Variants in NEK1 observed in about 807,000 individuals in gnomAD.
NEK1 encodes serine/threonine-protein kinase Nek1.
Under a neutral mutation model 182.1 loss-of-function variants are expected in NEK1, and 137 were observed. That is an observed-to-expected ratio of 0.75 (90% confidence interval 0.65 to 0.87). NEK1 has a LOEUF of 0.87. Ranked by LOEUF, NEK1 falls within the 40% of genes least tolerant of loss-of-function variation. The probability of loss-of-function intolerance (pLI) is 0.00; values close to 1 mark genes in which losing one functional copy is unlikely to be tolerated. For synonymous variants in NEK1, 513 were observed against 492.2 expected (o/e 1.04, Z -0.56); for missense variants, 1,391 against 1,494.4 (o/e 0.93, Z 1.14).
intron 26 of NEK1, among the ~76,000 whole-genome samples, chr4:169,472,491 T>C (rs1243906084): frequency 1.3e-5 from 2 of 152,172 alleles, no homozygotes; most frequent in African/African-American, 4.8e-5. Context: ...CCCAATGAGA[T>C]GAACTGGGTA....
At chr4:169,505,465 A>C (rs939059671) in intron 23 of NEK1, among the ~76,000 whole-genome samples, 5 of 152,242 alleles carry the variant, frequency 3.3e-5, no homozygotes, top group Non-Finnish European at 5.9e-5. Context: ...TGTTGTAAGA[A>C]TACAGCATAT....
At chr4:169,608,716 A>C (rs111682513) in intron 2 of NEK1, among the ~76,000 whole-genome samples, 38 of 152,322 alleles carry the variant, frequency 2.5e-4, no homozygotes, top group African/African-American at 7.0e-4. Context: ...CTGAGAATGA[A>C]TACAAATTAT....
chr4:169,420,822 T>C (rs1190007141), intron 31 of NEK1, among the ~76,000 whole-genome samples: 1 of 152,072 alleles, frequency 6.6e-6, no homozygotes, highest in Non-Finnish European at 1.5e-5. Flanking sequence ...AGTGATCAAA[T>C]AGAAAACAAA....
intron 18 of NEK1, among the ~76,000 whole-genome samples, chr4:169,543,780 G>A (rs1759881368): frequency 6.6e-6 from 1 of 151,586 alleles, no homozygotes; most frequent in African/African-American, 2.4e-5. Context: ...TAATTTGGCT[G>A]TTTGTCTGTT....
At chr4:169,453,855 C>T (rs1742322729) in intron 27 of NEK1, among the ~76,000 whole-genome samples, 1 of 152,202 alleles carries the variant, frequency 6.6e-6, no homozygotes, top group Non-Finnish European at 1.5e-5. Context: ...CACTTCACAC[C>T]TCTATATTCC....
At chr4:169,523,499 A>G (rs1756421247) in intron 19 of NEK1, among the ~76,000 whole-genome samples, 1 of 152,218 alleles carries the variant, frequency 6.6e-6, no homozygotes, top group African/African-American at 2.4e-5. Context: ...AAAAATTGCC[A>G]TCCAATAACC....
chr4:169,576,882 T>C (rs1385714277), intron 12 of NEK1, 46 bp downstream of exon 12: 42 of 1,505,026 alleles, frequency 2.8e-5, no homozygotes, highest in Non-Finnish European at 3.6e-5. Context: ...TGAAATAAGG[T>C]TGAATTGAAT....
chr4:169,569,956 G>A lies in NEK1; in HGVS notation c.1020+6972C>T, dbSNP rs1440392025. Among the ~76,000 whole-genome samples, 10 of 140,302 alleles carry A rather than the reference G, an allele frequency of 7.1e-5. No homozygotes were observed. In the East Asian group the frequency reaches 1.2e-3, roughly 17 times the overall value. 92.0% of individuals were successfully genotyped at this position (140,302 alleles called of 152,430 possible). On this transcript the variant is annotated intron_variant, in intron 12 of 35. Coordinates refer to ENST00000507142, the MANE Select transcript of NEK1 (RefSeq NM_001199397.3). ...GAGCGTCTCTGCCTGGCCGCCCATCGTCTGGGACGTGAGGAGCCCCTCTGC... is the reference window on the plus strand; with the variant it reads ...GAGCGTCTCTGCCTGGCCGCCCATCATCTGGGACGTGAGGAGCCCCTCTGC...
intron 26 of NEK1, among the ~76,000 whole-genome samples, chr4:169,466,453 A>C (rs1243980359): frequency 1.8e-5 from 1 of 55,610 alleles, no homozygotes; most frequent in Admixed American, 1.7e-4. Flanking sequence ...ACTAAAAATG[A>C]GGGTAACAGA....
chr4:169,561,174 G>T (rs555042820), intron 16 of NEK1, among the ~76,000 whole-genome samples: 1 of 152,100 alleles, frequency 6.6e-6, no homozygotes, highest in African/African-American at 2.4e-5. Context: ...ATTACAGAAC[G>T]ATTTTAGGCT....
At chr4:169,493,942 C>A (rs990749402) in intron 23 of NEK1, among the ~76,000 whole-genome samples, 1 of 152,120 alleles carries the variant, frequency 6.6e-6, no homozygotes, top group East Asian at 1.9e-4. Flanking sequence ...ATTCAGAGAA[C>A]ACCAGTGAGA....
In NEK1 at chr4:169,463,698, G is replaced by A. The variant is rs527498591; in HGVS notation, c.2435-303C>T. 4.6e-5 allele frequency among the ~76,000 whole-genome samples: 7 copies of A among 152,148 alleles called. 1 individual carries two copies. Among genetic ancestry groups the A allele is most frequent in the Non-Finnish European group, 1.0e-4 (7 of 68,010 alleles). ...GTATCTCTTATCTGAAATGCTTGGG[G>A]CCAGAAGTGTTTTGGATTTTGAATT... On this transcript the variant is annotated intron_variant, in intron 26 of 35. Transcript: ENST00000507142.
chr4:169,486,060 C>CA (rs5863998), intron 23 of NEK1, among the ~76,000 whole-genome samples: 29,261 of 151,722 alleles, frequency 0.19, 4,214 homozygotes, highest in African/African-American at 0.41. Context: ...CAAAACAAAA[C>CA]AAACAAAGCA....
intron 26 of NEK1, among the ~76,000 whole-genome samples, chr4:169,474,071 G>C (rs1746509901): frequency 6.6e-6 from 1 of 151,928 alleles, no homozygotes; most frequent in South Asian, 2.1e-4. Context: ...CTAAAGAACA[G>C]GGACAGAAAA....
At chr4:169,535,497 T>C (rs916689464) in intron 19 of NEK1, among the ~76,000 whole-genome samples, 5 of 147,798 alleles carry the variant, frequency 3.4e-5, no homozygotes, top group African/African-American at 5.0e-5. Flanking sequence ...GCATCATCAG[T>C]GAATGGTTAG....
chr4:169,427,137 T>C (rs551662874), intron 29 of NEK1, among the ~76,000 whole-genome samples: 94 of 152,316 alleles, frequency 6.2e-4, no homozygotes, highest in African/African-American at 2.2e-3. Flanking sequence ...AATTTATTTA[T>C]TTATTTTGAG....
chr4:169,542,175 C>T, intron 18 of NEK1, among the ~76,000 whole-genome samples: 1 of 152,098 alleles, frequency 6.6e-6, no homozygotes, highest in African/African-American at 2.4e-5. Context: ...CCCCTAGCCC[C>T]CGACCGGCCC....
In NEK1 at chr4:169,392,885, G is replaced by GA. The variant is rs1733643184; in HGVS notation, c.*1624dup. The GA allele has an allele frequency of 6.6e-6, 1 of 152,116 alleles. No individual in the cohort carries two copies. The highest frequency in any genetic ancestry group is 2.4e-5 in the African/African-American group (1 of 41,428). The allele number at this position is 152,116 out of a possible 1,614,324, so 9.4% of individuals were successfully genotyped here. A position where few individuals can be genotyped will look rare whatever the true frequency, so the allele number is the denominator to read the frequency against. On this transcript the variant is annotated 3_prime_UTR_variant, in exon 36 of 36. Transcript: ENST00000507142. ...TCCAACACTTATAATAGACCTTACTGAAAAATAGCCCTTTTCCTCACTGGC... is the reference window on the plus strand; with the variant it reads ...TCCAACACTTATAATAGACCTTACTGAAAAAATAGCCCTTTTCCTCACTGGC...
intron 35 of NEK1, among the ~76,000 whole-genome samples, chr4:169,396,698 T>C (rs1053601216): frequency 3.9e-5 from 6 of 152,194 alleles, no homozygotes; most frequent in African/African-American, 9.7e-5. Context: ...TCAGGACTTA[T>C]ATAATTTCCA....
Sources: gnomAD v4.1 joint callset for allele counts (sites outside exome capture counted in the v4.1 genomes callset) on GRCh38, gnomAD v4.1.1 for gene constraint, MANE v1.5 for transcripts, NCBI Gene and HGNC (gene_info 2026-07-23, HGNC 2026-07-21) for gene names.